ABHD2: variants seen among roughly 807,000 people sequenced by gnomAD.
ABHD2 encodes the protein abhydrolase domain containing 2, acylglycerol lipase.
ABHD2 carries 20 observed loss-of-function variants against 48.1 expected under a neutral mutation model. The ratio of observed to expected loss-of-function variants is 0.42; its 90% confidence interval spans 0.29 to 0.60. The LOEUF is 0.60. Among genes scored for constraint, ABHD2 ranks in the 20% least tolerant of loss-of-function variants. ABHD2 has a pLI of 0.24. For missense variants in ABHD2, 405 were observed against 550.9 expected (o/e 0.74, Z 2.65); for synonymous variants, 209 against 214.2 (o/e 0.98, Z 0.21).
intron 1 of ABHD2, among the ~76,000 whole-genome samples, chr15:89,090,618 T>C (rs1901557939): frequency 6.6e-6 from 1 of 152,166 alleles, no homozygotes; most frequent in Non-Finnish European, 1.5e-5. Context: ...TCTATGTTAG[T>C]TCCCCCTTGC....
intron 3 of ABHD2, among the ~76,000 whole-genome samples, chr15:89,150,135 AG>A (rs1235539814): frequency 2.0e-5 from 3 of 152,230 alleles, no homozygotes; most frequent in Non-Finnish European, 4.4e-5. Flanking sequence ...CATGATCAGA[AG>A]GTAGGCATAT....
At chr15:89,068,856 C>T in the ABHD2 span, among the ~76,000 whole-genome samples, 3 of 144,006 alleles carry the variant, frequency 2.1e-5, no homozygotes, top group South Asian at 2.3e-4. Context: ...GCAACCTCCA[C>T]CTCCCGGGTT....
In ABHD2 at chr15:89,094,273, G is replaced by C. The variant is rs1164455349; in HGVS notation, c.-107+5710G>C. 6.6e-6 allele frequency: 1 copy of C among 152,168 alleles called. No homozygotes were observed. Among genetic ancestry groups the C allele is most frequent in the African/African-American group, 2.4e-5 (1 of 41,418 alleles). The allele number at this position is 152,168 out of a possible 1,614,324, so 9.4% of individuals were successfully genotyped here. ...TCATTTTATCTTGGATAAAAGAGAAGCTTTGAAAGATTGCCTCCCTATGTG... is the reference window on the plus strand; with the variant it reads ...TCATTTTATCTTGGATAAAAGAGAACCTTTGAAAGATTGCCTCCCTATGTG... On this transcript the variant is annotated intron_variant, in intron 1 of 10. Transcript: ENST00000352732. This position sits in a 1 kb window ranked among gnomAD's most constrained non-coding sequence, Gnocchi z 4.7.
rs1403816824 is a variant in ABHD2 at position 89,151,570 on chromosome 15, A to G, written c.195-107A>G. ...AGCCTCATGTTTATGCTTTGTGTGC[A>G]GAATTTCCCTGGAACAAAAATAGGT... is the stretch of plus-strand genomic sequence containing the variant. On this transcript the variant is annotated intron_variant, in intron 3 of 10. Transcript: ENST00000352732. The surrounding 1 kb of genome is among the most constrained non-coding windows in gnomAD (Gnocchi z 4.7). 1.3e-5 allele frequency: 17 copies of G among 1,268,572 alleles called. No individual in the cohort carries two copies. Among genetic ancestry groups the G allele is most frequent in the East Asian group, 2.4e-5 (1 of 42,498 alleles). 78.6% of individuals were successfully genotyped at this position (1,268,572 alleles called of 1,614,324 possible).
chr15:89,154,399 C>G (rs535622853), intron 4 of ABHD2, among the ~76,000 whole-genome samples: 6 of 152,252 alleles, frequency 3.9e-5, no homozygotes, highest in African/African-American at 1.4e-4. Context: ...CACCTCTTTT[C>G]TTTTAAAGAA....
At chr15:89,160,247 G>T (rs2050741472) in intron 5 of ABHD2, among the ~76,000 whole-genome samples, 1 of 152,202 alleles carries the variant, frequency 6.6e-6, no homozygotes, top group African/African-American at 2.4e-5. Context: ...ATTGAGGCAG[G>T]TCCACAGTTA....
At chr15:89,156,304 G>A (rs1432411222) in intron 5 of ABHD2, among the ~76,000 whole-genome samples, 1 of 151,268 alleles carries the variant, frequency 6.6e-6, no homozygotes. Context: ...TGTATTTTTA[G>A]TAGAGACAGG....
chr15:89,115,964 C>T (rs1053765161), intron 2 of ABHD2, among the ~76,000 whole-genome samples: 2 of 152,248 alleles, frequency 1.3e-5, no homozygotes, highest in Non-Finnish European at 2.9e-5. Flanking sequence ...AGTGCTACCC[C>T]TAGTCCTGCA....
chr15:89,188,295 T>C lies in ABHD2; in HGVS notation c.918T>C (p.Asn306=). The change falls in exon 8 of 11, where the codon AAT becomes AAC. Residue 306 remains asparagine (N), a synonymous_variant. Coordinates refer to ENST00000352732, the MANE Select transcript of ABHD2 (RefSeq NM_152924.5). This position sits in a 1 kb window ranked among gnomAD's most constrained non-coding sequence, Gnocchi z 4.1. ...TATSLMQIDD[N]VMRKFHGYNS... is the part of the protein sequence containing the mutation. ...CATCCCTGATGCAGATTGATGACAA[T>C]GTGATGAGGTGTGTCCGCGCAGGCG... The C allele has an allele frequency of 6.2e-7, 1 of 1,614,032 alleles. No homozygotes were observed. Among genetic ancestry groups the C allele is most frequent in the Non-Finnish European group, 8.5e-7 (1 of 1,179,954 alleles).
the ABHD2 span, among the ~76,000 whole-genome samples, chr15:89,071,443 G>A: frequency 6.6e-6 from 1 of 152,062 alleles, no homozygotes; most frequent in Admixed American, 6.6e-5. Flanking sequence ...AAAGACATAG[G>A]GTTTTATTTG....
At chr15:89,107,487 G>T (rs971982326) in intron 1 of ABHD2, among the ~76,000 whole-genome samples, 3 of 152,124 alleles carry the variant, frequency 2.0e-5, no homozygotes, top group African/African-American at 7.2e-5. Context: ...GTTTACTGAG[G>T]CAAAATGGAG....
At chr15:89,136,535 G>A in intron 3 of ABHD2, 1 of 328,878 alleles carries the variant, frequency 3.0e-6, no homozygotes, top group Non-Finnish European at 6.1e-6. Context: ...GAATTGCCCA[G>A]TGCCCATCTG....
chr15:89,115,653 A>C (rs1475900055), intron 2 of ABHD2, among the ~76,000 whole-genome samples: 3 of 152,204 alleles, frequency 2.0e-5, no homozygotes, highest in African/African-American at 4.8e-5. Context: ...TTCATTCCTG[A>C]AACCCTTAGT....
chr15:89,112,238 A>T (rs768586218), intron 1 of ABHD2, among the ~76,000 whole-genome samples: 1 of 152,192 alleles, frequency 6.6e-6, no homozygotes, highest in Non-Finnish European at 1.5e-5. Flanking sequence ...GTGTTGCCAA[A>T]TCTTCTGATT....
intron 4 of ABHD2, among the ~76,000 whole-genome samples, chr15:89,154,999 A>G (rs1318778344): frequency 1.3e-5 from 2 of 152,260 alleles, no homozygotes; most frequent in Admixed American, 1.3e-4. Context: ...AGAAATTAAG[A>G]GTAATGTTCA....
At chr15:89,086,557 G>T (rs1901350594), upstream of ABHD2, among the ~76,000 whole-genome samples, 1 of 152,164 alleles carries the variant, frequency 6.6e-6, no homozygotes, top group Admixed American at 6.5e-5. Context: ...TGGGACTACA[G>T]GCATGCACCA....
chr15:89,076,301 T>C, the ABHD2 span, among the ~76,000 whole-genome samples: 5 of 152,318 alleles, frequency 3.3e-5, no homozygotes, highest in East Asian at 9.6e-4. Flanking sequence ...ATGGCCAATC[T>C]TTCATCTCAA....
chr15:89,076,442 A>G, the ABHD2 span, among the ~76,000 whole-genome samples: 1 of 151,876 alleles, frequency 6.6e-6, no homozygotes, highest in African/African-American at 2.4e-5. Flanking sequence ...TCATTCCCCA[A>G]TTGTTTTGTT....
the ABHD2 span, among the ~76,000 whole-genome samples, chr15:89,064,993 C>T: frequency 6.6e-6 from 1 of 152,028 alleles, no homozygotes. Context: ...GTTAACCATT[C>T]CCATGCTTTT....
Sources: allele counts gnomAD v4.1 joint callset (sites outside exome capture counted in the v4.1 genomes callset), GRCh38; gene constraint gnomAD v4.1.1; non-coding constraint Gnocchi (gnomAD v3.1); transcripts MANE v1.5; gene names NCBI Gene and HGNC (gene_info 2026-07-23, HGNC 2026-07-21).